SPAG17: variants seen among roughly 807,000 people sequenced by gnomAD.
SPAG17 encodes sperm-associated antigen 17.
In SPAG17, 169 loss-of-function variants were observed where a neutral mutation model predicts 273.6. The ratio of observed to expected loss-of-function variants is 0.62; its 90% CI spans 0.55 to 0.70. The LOEUF (loss-of-function observed/expected upper bound fraction) is 0.70, where lower values mean the gene tolerates loss of function less well. Ranked by LOEUF, SPAG17 falls within the 30% of genes least tolerant of loss-of-function variation. The pLI, the probability that SPAG17 is intolerant of heterozygous loss-of-function variation, is 0.00. For missense variants in SPAG17, 2,557 were observed against 2,627.8 expected (o/e 0.97, Z 0.59); for synonymous variants, 825 against 873.2 (o/e 0.94, Z 0.97).
At chr1:118,055,688 C>A (rs200512441) in intron 19 of SPAG17, 45 bp downstream of exon 19, 5 of 1,415,262 alleles carry the variant, frequency 3.5e-6, no homozygotes, top group Non-Finnish European at 4.9e-6. Context: ...GAGAGAAGAA[C>A]GTTCTTGAAT....
At chr1:118,032,508 G>A (rs1240876346) in intron 24 of SPAG17, among the ~76,000 whole-genome samples, 1 of 151,864 alleles carries the variant, frequency 6.6e-6, no homozygotes, top group Non-Finnish European at 1.5e-5. Context: ...AACATTCTCT[G>A]AATCTCTTAC....
chr1:117,995,591 T>C (rs995356146), intron 34 of SPAG17, among the ~76,000 whole-genome samples: 1 of 151,946 alleles, frequency 6.6e-6, no homozygotes, highest in Non-Finnish European at 1.5e-5. Context: ...ATTAATGTCA[T>C]GCACATGTGC....
At chr1:118,154,039 G>A (rs1287049271) in intron 1 of SPAG17, among the ~76,000 whole-genome samples, 4 of 152,084 alleles carry the variant, frequency 2.6e-5, no homozygotes, top group African/African-American at 4.8e-5. Flanking sequence ...ACATAAAATT[G>A]TTCCTCCAAG....
At chr1:118,145,822 G>A (rs1441433660) in intron 3 of SPAG17, among the ~76,000 whole-genome samples, 1 of 152,036 alleles carries the variant, frequency 6.6e-6, no homozygotes, top group East Asian at 1.9e-4. Flanking sequence ...AAATTGTTTT[G>A]AAATAAGTGA....
rs749002 is a variant in SPAG17, at chr1:117,989,104, C to G, written c.5522-900G>C. 4.0e-3 allele frequency among the ~76,000 whole-genome samples: 616 copies of G among 152,202 alleles called. 3 individuals are homozygous for G. Among genetic ancestry groups the G allele is most frequent in the Middle Eastern group, 0.017 (5 of 294 alleles). On this transcript the variant is annotated intron_variant, in intron 38 of 48. Transcript: ENST00000336338. ...TAGCGTTGCCAGATAAAGTATAGGG[C>G]CCCTGGTTAAATTTGAATTTCAAAT...
Position 118,015,367 on chromosome 1 carries a change from G to A in SPAG17, c.4287+598C>T, listed in dbSNP as rs577971004. On this transcript the variant is annotated intron_variant, in intron 29 of 48. Coordinates refer to ENST00000336338, the MANE Select transcript of SPAG17 (RefSeq NM_206996.4). ...ATAATAAACAGAACCATTATGTTCT[G>A]TACCACTAATTTGTCATGTATTCTT... 3.4e-4 allele frequency among the ~76,000 whole-genome samples: 51 copies of A among 151,404 alleles called. No individual in the cohort carries two copies. The South Asian group carries it at 8.5e-3, about 25-fold the overall frequency.
intron 30 of SPAG17, 148 bp downstream of exon 30, chr1:118,012,080 C>A (rs753742724): frequency 5.8e-5 from 34 of 585,800 alleles, no homozygotes; most frequent in Non-Finnish European, 8.9e-5. Flanking sequence ...ATAGACCCTG[C>A]TTTGGATGGC....
chr1:118,141,653 A>C (rs995305786), intron 3 of SPAG17, among the ~76,000 whole-genome samples: 4 of 152,194 alleles, frequency 2.6e-5, no homozygotes, highest in Non-Finnish European at 5.9e-5. Context: ...AAATCATTTA[A>C]GTTTTTGGGC....
chr1:117,989,941 T>C (rs1434250038), intron 38 of SPAG17, among the ~76,000 whole-genome samples: 2 of 152,048 alleles, frequency 1.3e-5, no homozygotes, highest in Admixed American at 6.6e-5. Flanking sequence ...AGTGTACTTA[T>C]ACTAAAAAAA....
chr1:117,953,596 G>T lies in SPAG17; in HGVS notation c.*454C>A, dbSNP rs1207039170. 6.4e-6 allele frequency: 10 copies of T among 1,571,600 alleles called. No homozygotes were observed. The highest frequency in any genetic ancestry group is 7.8e-6 in the Non-Finnish European group (9 of 1,153,730). On this transcript the variant is annotated 3_prime_UTR_variant, in exon 49 of 49. Coordinates refer to ENST00000336338, the MANE Select transcript of SPAG17 (RefSeq NM_206996.4). The stretch of plus-strand genomic sequence containing the variant: ...TTTTTAATAAGATCTCAACTTTTTA[G>T]TAAAAGTTTTATTCTGTATCAACCA...
chr1:118,050,414 T>G (rs907612605), intron 20 of SPAG17, among the ~76,000 whole-genome samples: 1 of 152,170 alleles, frequency 6.6e-6, no homozygotes, highest in Non-Finnish European at 1.5e-5. Flanking sequence ...AATTCTTTCT[T>G]CTGAGGAGGC....
intron 24 of SPAG17, among the ~76,000 whole-genome samples, chr1:118,032,520 T>G (rs1391294706): frequency 6.6e-6 from 1 of 151,956 alleles, no homozygotes; most frequent in African/African-American, 2.4e-5. Flanking sequence ...ATCTCTTACC[T>G]CTAGTCATTT....
chr1:118,161,407 C>T (rs1161149057), intron 1 of SPAG17, among the ~76,000 whole-genome samples: 1 of 152,142 alleles, frequency 6.6e-6, no homozygotes, highest in Non-Finnish European at 1.5e-5. Flanking sequence ...ATCAATCAAT[C>T]CTAGTGGGAG....
At chr1:118,138,069 C>A (rs767024832) in intron 3 of SPAG17, among the ~76,000 whole-genome samples, 21 of 152,172 alleles carry the variant, frequency 1.4e-4, no homozygotes, top group Non-Finnish European at 2.8e-4. Flanking sequence ...CCTCCTTCTC[C>A]TTTCCAATAT....
chr1:118,031,565 G>A lies in SPAG17; in HGVS notation c.3609+127C>T, dbSNP rs1056221745. 5 of 1,003,774 alleles carry A rather than the reference G, an allele frequency of 5.0e-6. No homozygotes were observed. The African/African-American group carries it at 6.5e-5, about 13-fold the overall frequency. The allele number at this position is 1,003,774 out of a possible 1,614,324, so 62.2% of individuals were successfully genotyped here. On this transcript the variant is annotated intron_variant, in intron 25 of 48. Transcript: ENST00000336338. ...TCTATTCAAAGTTGAGACTACAAGG[G>A]ACGTTAATGTATCTGCACAATAAAA...
intron 43 of SPAG17, among the ~76,000 whole-genome samples, chr1:117,980,564 C>T (rs1346599694): frequency 6.6e-6 from 1 of 152,132 alleles, no homozygotes; most frequent in East Asian, 1.9e-4. Context: ...TTAAATGTGG[C>T]AAAATACTTG....
intron 2 of SPAG17, among the ~76,000 whole-genome samples, chr1:118,150,928 C>T (rs754017484): frequency 1.4e-4 from 21 of 152,118 alleles, no homozygotes; most frequent in Non-Finnish European, 2.6e-4. Flanking sequence ...CTTAAATAGT[C>T]TAGTCTTTTA....
chr1:117,969,652 A>G (rs1654325663), intron 46 of SPAG17, among the ~76,000 whole-genome samples: 1 of 152,198 alleles, frequency 6.6e-6, no homozygotes, highest in South Asian at 2.1e-4. Context: ...ATTCTCTGAC[A>G]AATACCAAGA....
At chr1:118,062,979 C>T (rs2997485) in intron 18 of SPAG17, among the ~76,000 whole-genome samples, 1 of 152,150 alleles carries the variant, frequency 6.6e-6, no homozygotes, top group African/African-American at 2.4e-5. Context: ...TGAAAACTCA[C>T]ATTTCTGTGT....
Sources: allele counts gnomAD v4.1 joint callset (sites outside exome capture counted in the v4.1 genomes callset), GRCh38; gene constraint gnomAD v4.1.1; transcripts MANE v1.5; gene names NCBI Gene and HGNC (gene_info 2026-07-23, HGNC 2026-07-21).